Variants in MEIOSIN observed in about 807,000 individuals in gnomAD.
MEIOSIN encodes meiosis initiator.
MEIOSIN carries 18 observed loss-of-function variants against 23.4 expected under a neutral mutation model. The ratio of observed to expected loss-of-function variants is 0.77; its 90% CI spans 0.53 to 1.14. The LOEUF (loss-of-function observed/expected upper bound fraction) is 1.14, where lower values mean the gene tolerates loss of function less well. MEIOSIN is among the 50% of genes most tolerant of loss of function. The pLI is 0.00. For missense variants in MEIOSIN, 428 were observed against 242.9 expected, an observed-to-expected ratio of 1.76 and a Z score of -5.07; for synonymous variants, 187 against 100.6, an observed-to-expected ratio of 1.86 and a Z score of -5.14.
intron 8 of MEIOSIN, among the ~76,000 whole-genome samples, chr19:45,756,619 C>T (rs1968835047): frequency 6.6e-6 from 1 of 151,920 alleles, no homozygotes; most frequent in South Asian, 2.1e-4. Flanking sequence ...AAATGAGGTC[C>T]CCCTATGTTG....
At chr19:45,763,596 T>C (rs1968993121) in intron 14 of MEIOSIN, among the ~76,000 whole-genome samples, 169 bp downstream of exon 14, 2 of 152,096 alleles carry the variant, frequency 1.3e-5, no homozygotes, top group South Asian at 2.1e-4. Flanking sequence ...GGTGTAGGGG[T>C]ACCCCACCAC....
At chr19:45,745,163 A>T (rs1190548863) in intron 3 of MEIOSIN, 29 bp from the exon 4 acceptor site, 1 of 702,780 alleles carries the variant, frequency 1.4e-6, no homozygotes. Context: ...TGGATGTCCT[A>T]ACCAAAACCA....
chr19:45,738,032 A>G (rs1968438260), intron 2 of MEIOSIN, among the ~76,000 whole-genome samples: 1 of 152,108 alleles, frequency 6.6e-6, no homozygotes, highest in Non-Finnish European at 1.5e-5. Flanking sequence ...CTGGGATTAC[A>G]GGCGTGAGCC....
intron 3 of MEIOSIN, among the ~76,000 whole-genome samples, chr19:45,742,236 G>A (rs984932187): frequency 6.6e-6 from 1 of 151,998 alleles, no homozygotes; most frequent in Non-Finnish European, 1.5e-5. Context: ...CAAACTCCTG[G>A]GCTCAAGGGA....
Position 45,763,992 on chromosome 19 carries a change from C to T in MEIOSIN, c.1791C>T (p.Ser597=), listed in dbSNP as rs921871564. The change falls in exon 15 of 15, where the codon AGC becomes AGT. Residue 597 remains serine (S), a synonymous_variant. Transcript: ENST00000457052. The part of the protein sequence containing the change: ...RPYCTKARRF[S]RQHNRIVKQD... Reference sequence around the variant, plus strand: ...CCAGCACCAAGGCTCGCAGGTTCAGCCGCCAGCACAACCGCATCGTGAAGC... The same window carrying T: ...CCAGCACCAAGGCTCGCAGGTTCAGTCGCCAGCACAACCGCATCGTGAAGC... The T allele has an allele frequency of 1.3e-5, 5 of 398,614 alleles. No homozygotes were observed. The highest frequency in any genetic ancestry group is 1.3e-4 in the South Asian group (1 of 7,868). 24.7% of individuals were successfully genotyped at this position (398,614 alleles called of 1,614,324 possible). A position where few individuals can be genotyped will look rare whatever the true frequency, so the allele number is the denominator to read the frequency against.
At chr19:45,756,117 G>A (rs1419494990) in intron 8 of MEIOSIN, 39 bp downstream of exon 8, 1 of 701,482 alleles carries the variant, frequency 1.4e-6, no homozygotes, top group East Asian at 2.7e-5. Context: ...GTGGTGCTGA[G>A]GGGTTTGGTC....
At chr19:45,741,414 T>C (rs1176191618) in intron 3 of MEIOSIN, among the ~76,000 whole-genome samples, 1 of 152,130 alleles carries the variant, frequency 6.6e-6, no homozygotes, top group Non-Finnish European at 1.5e-5. Context: ...ACAAGTATAC[T>C]ACAGATGGGG....
At chr19:45,748,252 T>C (rs1968631036) in intron 4 of MEIOSIN, among the ~76,000 whole-genome samples, 1 of 152,122 alleles carries the variant, frequency 6.6e-6, no homozygotes, top group South Asian at 2.1e-4. Context: ...CAATTAGTTT[T>C]TGTATTTTTA....
At chr19:45,758,284 G>A (rs188053081) in intron 9 of MEIOSIN, among the ~76,000 whole-genome samples, 3 of 152,138 alleles carry the variant, frequency 2.0e-5, no homozygotes, top group East Asian at 1.9e-4. Context: ...GTGAGCCCCC[G>A]CATCTGACCT....
intron 13 of MEIOSIN, 77 bp from the exon 14 acceptor site, chr19:45,763,261 A>C: frequency 2.5e-6 from 1 of 397,914 alleles, no homozygotes; most frequent in Non-Finnish European, 4.4e-6. Context: ...GTAGACCCAC[A>C]AGGCTAGGAA....
chr19:45,741,936 G>A (rs1409737554), intron 3 of MEIOSIN, among the ~76,000 whole-genome samples: 2 of 151,802 alleles, frequency 1.3e-5, no homozygotes, highest in Non-Finnish European at 2.9e-5. Context: ...GCAATGGCAC[G>A]ATCTCGGTTG....
In MEIOSIN at chr19:45,733,597, GCT is replaced by G. The variant is rs989192945; in HGVS notation, c.-68_-67del. On this transcript the variant is annotated 5_prime_UTR_variant, in exon 1 of 15. Coordinates refer to ENST00000457052, the MANE Select transcript of MEIOSIN (RefSeq NM_001310124.2). The surrounding 1 kb of genome is among the most constrained non-coding windows in gnomAD (Gnocchi z 5.7). ...CCCGCGCGAGACGCTGTCTGATCGGGCTCCCTAGAGTGGGGCCCGGAGAAACC... is the reference window on the plus strand; with the variant it reads ...CCCGCGCGAGACGCTGTCTGATCGGGCCCTAGAGTGGGGCCCGGAGAAACC... The G allele has an allele frequency of 2.6e-5, 4 of 152,284 alleles. No individual in the cohort carries two copies. The highest frequency in any genetic ancestry group is 7.2e-5 in the African/African-American group (3 of 41,474). 9.4% of individuals were successfully genotyped at this position (152,284 alleles called of 1,614,324 possible).
chr19:45,750,056 C>T (rs1968670404), intron 4 of MEIOSIN, among the ~76,000 whole-genome samples: 1 of 147,828 alleles, frequency 6.8e-6, no homozygotes, highest in African/African-American at 2.5e-5. Context: ...TTGAGCACAA[C>T]AGCCAGGGCT....
rs192700274 is a variant in MEIOSIN at position 45,740,384 on chromosome 19, C to G, written c.176+654C>G. ...TGGAGCTTATATATCAACCTTTATG[C>G]CACCTCCTGGGACTGTCCCCTGCTT... On this transcript the variant is annotated intron_variant, in intron 3 of 14. Transcript: ENST00000457052. 3.2e-3 allele frequency among the ~76,000 whole-genome samples: 482 copies of G among 152,316 alleles called. 5 individuals are homozygous for G. Among genetic ancestry groups the G allele is most frequent in the African/African-American group, 0.011 (442 of 41,576 alleles).
intron 2 of MEIOSIN, among the ~76,000 whole-genome samples, chr19:45,737,804 C>T (rs1968434116): frequency 6.6e-6 from 1 of 151,730 alleles, no homozygotes; most frequent in Non-Finnish European, 1.5e-5. Flanking sequence ...ATGATATAAT[C>T]CCAGCTACTT....
chr19:45,749,502 C>T (rs765494374), intron 4 of MEIOSIN, among the ~76,000 whole-genome samples: 1 of 151,096 alleles, frequency 6.6e-6, no homozygotes, highest in Non-Finnish European at 1.5e-5. Context: ...GGTGAAACCC[C>T]GTCTCTACTA....
chr19:45,742,953 C>T lies in MEIOSIN; in HGVS notation c.177-2239C>T, dbSNP rs564408425. Among the ~76,000 whole-genome samples the T allele has an allele frequency of 4.4e-3, 677 of 152,274 alleles. 11 individuals are homozygous for T. Among genetic ancestry groups the T allele is most frequent in the African/African-American group, 0.015 (616 of 41,554 alleles). On this transcript the variant is annotated intron_variant, in intron 3 of 14. Transcript: ENST00000457052. ...TTCCCTGAAAACCCAGAGGGCACAG[C>T]TGGGATTAGTGGATGCAAATATACA...
intron 9 of MEIOSIN, 27 bp downstream of exon 9, chr19:45,757,304 T>C (rs1968850598): frequency 1.4e-6 from 1 of 699,102 alleles, no homozygotes; most frequent in Admixed American, 2.0e-5. Flanking sequence ...CTCTCCTCCT[T>C]GTAGGCTGGT....
intron 3 of MEIOSIN, among the ~76,000 whole-genome samples, chr19:45,742,359 A>G (rs1300519564): frequency 6.6e-6 from 1 of 152,156 alleles, no homozygotes; most frequent in Non-Finnish European, 1.5e-5. Flanking sequence ...GCATGCCTAA[A>G]GTCCCAGCTA....
Sources: allele counts gnomAD v4.1 joint callset (sites outside exome capture counted in the v4.1 genomes callset), GRCh38; gene constraint gnomAD v4.1.1; non-coding constraint Gnocchi (gnomAD v3.1); transcripts MANE v1.5; gene names NCBI Gene and HGNC (gene_info 2026-07-23, HGNC 2026-07-21).